The following MARCHF1 variants were observed in gnomAD, a reference collection of about 807,000 sequenced individuals.
The protein encoded by MARCHF1 is E3 ubiquitin-protein ligase MARCHF1.
Under a neutral mutation model 54.2 loss-of-function variants are expected in MARCHF1, and 40 were observed. That is an observed-to-expected ratio of 0.74 (90% confidence interval 0.57 to 0.96). The LOEUF is 0.96. MARCHF1 is among the 40% of genes least tolerant of loss of function. The pLI is 0.00. For synonymous variants in MARCHF1, 236 were observed against 236.3 expected, an observed-to-expected ratio of 1.00 and a Z score of 0.01; for missense variants, 586 against 656.5, an observed-to-expected ratio of 0.89 and a Z score of 1.17.
At chr4:163,634,833 C>G (rs943348979) in intron 5 of MARCHF1, among the ~76,000 whole-genome samples, 3 of 140,694 alleles carry the variant, frequency 2.1e-5, no homozygotes, top group Non-Finnish European at 4.5e-5. Flanking sequence ...CCAAAATTGA[C>G]CACATAATTG....
intron 1 of MARCHF1, among the ~76,000 whole-genome samples, chr4:164,139,492 C>T (rs886127084): frequency 4.6e-5 from 6 of 129,852 alleles, no homozygotes; most frequent in Admixed American, 1.6e-4. Context: ...TATCTAAAGT[C>T]AAAAAAAAAA....
intron 3 of MARCHF1, among the ~76,000 whole-genome samples, chr4:163,956,849 A>T (rs1332040467): frequency 6.6e-6 from 1 of 152,058 alleles, no homozygotes; most frequent in African/African-American, 2.4e-5. Flanking sequence ...CTACAAAGCG[A>T]AACTTACTGT....
chr4:163,815,243 ATAAT>A (rs1348513108), intron 4 of MARCHF1, among the ~76,000 whole-genome samples: 1 of 152,198 alleles, frequency 6.6e-6, no homozygotes, highest in Non-Finnish European at 1.5e-5. Flanking sequence ...AATCCTAGTG[ATAAT>A]CAATGTGCAT....
intron 3 of MARCHF1, among the ~76,000 whole-genome samples, chr4:163,920,163 C>A (rs1016137388): frequency 6.6e-6 from 1 of 152,060 alleles, no homozygotes; most frequent in African/African-American, 2.4e-5. Flanking sequence ...GGCTTCCTGG[C>A]CATTTATGAA....
intron 4 of MARCHF1, among the ~76,000 whole-genome samples, chr4:163,751,734 T>C (rs190402107): frequency 6.6e-6 from 1 of 152,152 alleles, no homozygotes; most frequent in East Asian, 1.9e-4. Context: ...GACACAATAT[T>C]GAAGGATGTC....
intron 3 of MARCHF1, among the ~76,000 whole-genome samples, chr4:163,935,697 GCTT>G (rs1751778480): frequency 1.0e-5 from 1 of 98,686 alleles, no homozygotes; most frequent in Non-Finnish European, 2.0e-5. Context: ...TGTTTTGCTT[GCTT>G]TCTTTTTTTT....
intron 2 of MARCHF1, among the ~76,000 whole-genome samples, chr4:164,065,703 A>G (rs964442215): frequency 6.6e-6 from 1 of 152,202 alleles, no homozygotes; most frequent in East Asian, 1.9e-4. Context: ...ATTTGAGTCC[A>G]AAGGCCTCAA....
At chr4:163,668,618 A>G (rs1743621723) in intron 5 of MARCHF1, among the ~76,000 whole-genome samples, 1 of 152,178 alleles carries the variant, frequency 6.6e-6, no homozygotes, top group Non-Finnish European at 1.5e-5. Context: ...GATAAACAGC[A>G]GAGCATGTTA....
intron 4 of MARCHF1, among the ~76,000 whole-genome samples, chr4:163,762,328 A>T (rs553798966): frequency 2.6e-5 from 4 of 152,152 alleles, no homozygotes; most frequent in Non-Finnish European, 5.9e-5. Context: ...AGTGTTACTT[A>T]TACTTTGGTT....
At chr4:164,141,249 T>G (rs778294716) in intron 1 of MARCHF1, among the ~76,000 whole-genome samples, 5 of 152,198 alleles carry the variant, frequency 3.3e-5, no homozygotes, top group African/African-American at 4.8e-5. Context: ...CTAGAACTTT[T>G]CCTGTCAGCT....
chr4:164,115,734 T>G (rs763514980), intron 1 of MARCHF1, among the ~76,000 whole-genome samples: 17 of 152,128 alleles, frequency 1.1e-4, no homozygotes, highest in Non-Finnish European at 2.1e-4. Context: ...ATAATTCAAA[T>G]GTTTCAATAC....
intron 4 of MARCHF1, among the ~76,000 whole-genome samples, chr4:163,745,369 T>A (rs1350486744): frequency 6.6e-6 from 1 of 152,060 alleles, no homozygotes; most frequent in East Asian, 1.9e-4. Flanking sequence ...GGCCTCAGCC[T>A]CCCAAAGTGC....
At chr4:164,267,303 G>A (rs1214925427) in intron 1 of MARCHF1, among the ~76,000 whole-genome samples, 1 of 152,116 alleles carries the variant, frequency 6.6e-6, no homozygotes, top group Admixed American at 6.6e-5. Flanking sequence ...CTGGTCCCAG[G>A]TACTTGTTTC....
chr4:164,242,351 A>C lies in MARCHF1; in HGVS notation c.-322-130689T>G, dbSNP rs1473619688. 5.2e-4 allele frequency among the ~76,000 whole-genome samples: 46 copies of C among 88,528 alleles called. 1 individual carries two copies. Among genetic ancestry groups the C allele is most frequent in the Admixed American group, 1.3e-3 (12 of 8,990 alleles). The allele number at this position is 88,528 out of a possible 152,430, so 58.1% of individuals were successfully genotyped here. A position where few individuals can be genotyped will look rare whatever the true frequency, so the allele number is the denominator to read the frequency against. ...CCCCGAGCAGCCTAACTGGGAGGCA[A>C]CCCCCAGCAGGGGCACACTGACACC... is the stretch of plus-strand genomic sequence containing the variant. On this transcript the variant is annotated intron_variant, in intron 1 of 9. Transcript: ENST00000514618.
chr4:163,746,408 C>A (rs1044560400), intron 4 of MARCHF1, among the ~76,000 whole-genome samples: 2 of 152,178 alleles, frequency 1.3e-5, no homozygotes, highest in African/African-American at 4.8e-5. Flanking sequence ...TCCATTCACC[C>A]AGCGGGGACA....
intron 7 of MARCHF1, among the ~76,000 whole-genome samples, chr4:163,591,750 G>T (rs1000240422): frequency 1.3e-5 from 2 of 152,002 alleles, no homozygotes; most frequent in Non-Finnish European, 2.9e-5. Context: ...TTTATGTTTC[G>T]GGAAAATTCA....
At chr4:163,812,197 TAATAGCATTAACC>T (rs1418294759) in intron 4 of MARCHF1, among the ~76,000 whole-genome samples, 1 of 151,962 alleles carries the variant, frequency 6.6e-6, no homozygotes, top group Non-Finnish European at 1.5e-5. Context: ...TCAGCCTCCA[TAATAGCATTAACC>T]AATATCCTAA....
chr4:164,191,996 A>C (rs1008160343), intron 1 of MARCHF1, among the ~76,000 whole-genome samples: 2 of 152,136 alleles, frequency 1.3e-5, no homozygotes, highest in African/African-American at 4.8e-5. Context: ...AAATATGACA[A>C]CTTAAAATTT....
intron 8 of MARCHF1, among the ~76,000 whole-genome samples, chr4:163,558,174 T>C (rs1387523775): frequency 6.6e-6 from 1 of 152,028 alleles, no homozygotes; most frequent in Non-Finnish European, 1.5e-5. Flanking sequence ...GACCAGATGA[T>C]GAGGACCCCC....
Sources: allele counts gnomAD v4.1 joint callset (sites outside exome capture counted in the v4.1 genomes callset), GRCh38; gene constraint gnomAD v4.1.1; transcripts MANE v1.5; gene names NCBI Gene and HGNC (gene_info 2026-07-23, HGNC 2026-07-21).